PPP1R9A: variants seen among roughly 807,000 people sequenced by gnomAD.
PPP1R9A encodes neurabin-1.
Under a neutral mutation model 141.9 loss-of-function variants are expected in PPP1R9A, and 59 were observed. The ratio of observed to expected loss-of-function variants is 0.42; its 90% CI spans 0.34 to 0.52. The LOEUF (loss-of-function observed/expected upper bound fraction) is 0.52, where lower values mean the gene tolerates loss of function less well. Among genes scored for constraint, PPP1R9A ranks in the 20% least tolerant of loss-of-function variants. PPP1R9A has a pLI of 0.10. For missense variants in PPP1R9A, 1,444 were observed against 1,611.9 expected, an observed-to-expected ratio of 0.90 and a Z score of 1.78; for synonymous variants, 500 against 569.7, an observed-to-expected ratio of 0.88 and a Z score of 1.74.
chr7:95,292,214 G>T lies in PPP1R9A; in HGVS notation c.*1911G>T, dbSNP rs1585671175. On this transcript the variant is annotated 3_prime_UTR_variant, in exon 20 of 20. Transcript: ENST00000433360. ...CTCTATTAATGTCTTGAGATGTCTG[G>T]TGCTTTGTTATTTTTTCACATCATG... 6.6e-6 allele frequency: 1 copy of T among 152,262 alleles called. No individual in the cohort carries two copies. The highest frequency in any genetic ancestry group is 6.5e-5 in the Admixed American group (1 of 15,272). 9.4% of individuals were successfully genotyped at this position (152,262 alleles called of 1,614,324 possible). A position where few individuals can be genotyped will look rare whatever the true frequency, so the allele number is the denominator to read the frequency against.
At chr7:95,088,201 T>A (rs1395942023) in intron 2 of PPP1R9A, among the ~76,000 whole-genome samples, 1 of 151,954 alleles carries the variant, frequency 6.6e-6, no homozygotes, top group Non-Finnish European at 1.5e-5. Context: ...ACTTGAGTAG[T>A]AGCTGAGAAT....
chr7:95,260,676 CAAA>C (rs5885903), intron 12 of PPP1R9A, among the ~76,000 whole-genome samples: 105 of 119,164 alleles, frequency 8.8e-4, no homozygotes, highest in Non-Finnish European at 9.1e-4. Context: ...GACTCTGACT[CAAA>C]AAAAAAAAAA....
intron 2 of PPP1R9A, among the ~76,000 whole-genome samples, chr7:95,033,946 C>T (rs1808077723): frequency 6.6e-6 from 1 of 152,094 alleles, no homozygotes; most frequent in African/African-American, 2.4e-5. Flanking sequence ...ATTCATATCT[C>T]ATAAAGTTCT....
At chr7:95,082,617 G>GT (rs1251045979) in intron 2 of PPP1R9A, among the ~76,000 whole-genome samples, 2 of 151,808 alleles carry the variant, frequency 1.3e-5, no homozygotes, top group Non-Finnish European at 2.9e-5. Flanking sequence ...GCGTGTGCCT[G>GT]TAATTCCAGC....
chr7:95,024,659 C>G (rs1806541079), intron 2 of PPP1R9A, among the ~76,000 whole-genome samples: 1 of 151,970 alleles, frequency 6.6e-6, no homozygotes, highest in African/African-American at 2.4e-5. Context: ...TTATTTTGAG[C>G]CTATGTGTAT....
At chr7:95,046,283 G>A (rs1464461333) in intron 2 of PPP1R9A, among the ~76,000 whole-genome samples, 2 of 152,028 alleles carry the variant, frequency 1.3e-5, no homozygotes, top group Non-Finnish European at 2.9e-5. Context: ...GTTTCACCAT[G>A]TTGACAGGCT....
chr7:95,151,225 C>T (rs924302653), intron 4 of PPP1R9A, among the ~76,000 whole-genome samples: 1 of 152,170 alleles, frequency 6.6e-6, no homozygotes, highest in African/African-American at 2.4e-5. Context: ...TTGGAAGCCA[C>T]CAGGATGTCC....
intron 6 of PPP1R9A, among the ~76,000 whole-genome samples, chr7:95,200,634 T>G (rs1789353238): frequency 6.6e-6 from 1 of 152,146 alleles, no homozygotes. Flanking sequence ...TAGTTTTTAC[T>G]TGACATTTAT....
At position 95,248,427 on chromosome 7, in the gene PPP1R9A, T is replaced by C. The variant is rs569339664; in HGVS notation, c.2166+901T>C. Reference sequence around the variant, plus strand: ...TCAGCTAATTCACTCTGCAGCTCTTTAGTCAAAATACGACTATACATCATT... The same window carrying C: ...TCAGCTAATTCACTCTGCAGCTCTTCAGTCAAAATACGACTATACATCATT... On this transcript the variant is annotated intron_variant, in intron 9 of 19. Coordinates refer to ENST00000433360, the MANE Select transcript of PPP1R9A (RefSeq NM_001166160.2). Among the ~76,000 whole-genome samples the C allele has an allele frequency of 2.6e-5, 4 of 152,140 alleles. No homozygotes were observed. The South Asian group carries it at 8.3e-4, about 32-fold the overall frequency.
chr7:95,215,936 G>C (rs1202152466), intron 7 of PPP1R9A, among the ~76,000 whole-genome samples: 1 of 152,168 alleles, frequency 6.6e-6, no homozygotes, highest in African/African-American at 2.4e-5. Flanking sequence ...TGTTCACTCT[G>C]ATGGTAGTTT....
At chr7:95,143,763 C>T (rs527550164) in intron 4 of PPP1R9A, among the ~76,000 whole-genome samples, 8 of 152,148 alleles carry the variant, frequency 5.3e-5, no homozygotes, top group South Asian at 2.1e-4. Flanking sequence ...GTATAATAGA[C>T]GCAGGTCTGG....
chr7:95,266,585 G>A (rs974538132), intron 12 of PPP1R9A, among the ~76,000 whole-genome samples: 6 of 152,008 alleles, frequency 3.9e-5, no homozygotes, highest in Admixed American at 3.3e-4. Flanking sequence ...TTATGTAAAT[G>A]AGGGCATGCT....
At chr7:95,100,207 C>G (rs572758491) in intron 2 of PPP1R9A, among the ~76,000 whole-genome samples, 28 of 151,964 alleles carry the variant, frequency 1.8e-4, no homozygotes, top group Middle Eastern at 6.8e-3. Context: ...ATTGTTTGAC[C>G]CCGGGAGTTT....
At chr7:94,917,887 G>A (rs1338352609) in intron 2 of PPP1R9A, among the ~76,000 whole-genome samples, 1 of 152,122 alleles carries the variant, frequency 6.6e-6, no homozygotes, top group African/African-American at 2.4e-5. Context: ...CCCATTACAA[G>A]TAATTTGATT....
At chr7:95,240,808 G>T (rs1375137473) in intron 8 of PPP1R9A, among the ~76,000 whole-genome samples, 1 of 151,454 alleles carries the variant, frequency 6.6e-6, no homozygotes, top group African/African-American at 2.4e-5. Context: ...TTTACTTATG[G>T]GATACATCAT....
chr7:95,268,423 C>T (rs1051306751), intron 12 of PPP1R9A, 127 bp from the exon 13 acceptor site: 150 of 960,094 alleles, frequency 1.6e-4, no homozygotes, highest in Non-Finnish European at 2.1e-4. Flanking sequence ...TGGTTACAGG[C>T]TGTCATGGTG....
At chr7:94,936,928 T>C (rs190647315) in intron 2 of PPP1R9A, among the ~76,000 whole-genome samples, 2 of 152,240 alleles carry the variant, frequency 1.3e-5, no homozygotes, top group Admixed American at 6.5e-5. Flanking sequence ...TTTATACATA[T>C]TAAAGCAAAA....
chr7:95,160,126 A>G (rs1042057039), intron 4 of PPP1R9A, among the ~76,000 whole-genome samples: 9 of 151,990 alleles, frequency 5.9e-5, no homozygotes, highest in African/African-American at 1.9e-4. Context: ...GTATTATACA[A>G]TAAACAGTAT....
intron 4 of PPP1R9A, among the ~76,000 whole-genome samples, chr7:95,160,690 T>C (rs1421357830): frequency 6.6e-6 from 1 of 152,128 alleles, no homozygotes; most frequent in African/African-American, 2.4e-5. Flanking sequence ...CTTTCCCCTC[T>C]AGTAGTCCCC....
Sources: allele counts gnomAD v4.1 joint callset (sites outside exome capture counted in the v4.1 genomes callset), GRCh38; gene constraint gnomAD v4.1.1; transcripts MANE v1.5; gene names NCBI Gene and HGNC (gene_info 2026-07-23, HGNC 2026-07-21).